The following HS2ST1 variants were observed in gnomAD, a reference collection of about 807,000 sequenced individuals.
HS2ST1 encodes the protein 2-O-sulfotransferase.
In HS2ST1, 18 loss-of-function variants were observed where a neutral mutation model predicts 42.9. That is an observed-to-expected ratio of 0.42 (90% confidence interval 0.29 to 0.62). The LOEUF (loss-of-function observed/expected upper bound fraction) is 0.62, where lower values mean the gene tolerates loss of function less well. Ranked by LOEUF, HS2ST1 falls within the 20% of genes least tolerant of loss-of-function variation. HS2ST1 has a pLI of 0.21. For missense variants in HS2ST1, 334 were observed against 433.8 expected, an observed-to-expected ratio of 0.77 and a Z score of 2.04; for synonymous variants, 146 against 152.9, an observed-to-expected ratio of 0.95 and a Z score of 0.33.
At chr1:86,992,195 A>C (rs1275662156) in intron 1 of HS2ST1, among the ~76,000 whole-genome samples, 14 of 142,418 alleles carry the variant, frequency 9.8e-5, no homozygotes, top group Non-Finnish European at 2.0e-4. Context: ...CCCACCCCCA[A>C]ATTCCCCCAC....
chr1:87,045,565 G>C, intron 1 of HS2ST1: 1 of 794,376 alleles, frequency 1.3e-6, no homozygotes, highest in East Asian at 2.4e-5. Flanking sequence ...CAAGGCACAA[G>C]AAACTTCTTT....
chr1:87,104,334 C>G lies in HS2ST1; in HGVS notation c.845-136C>G, dbSNP rs1175430667. 44 of 635,558 alleles carry G rather than the reference C, an allele frequency of 6.9e-5. No individual in the cohort carries two copies. In the South Asian group the frequency reaches 8.9e-4, roughly 13 times the overall value. The allele number at this position is 635,558 out of a possible 1,614,324, so 39.4% of individuals were successfully genotyped here. A position where few individuals can be genotyped will look rare whatever the true frequency, so the allele number is the denominator to read the frequency against. On this transcript the variant is annotated intron_variant, in intron 6 of 6. Transcript: ENST00000370550. The stretch of plus-strand genomic sequence containing the variant: ...AGTTTGATCAAGGCTCCGTTTTTAC[C>G]TGAATTATATAAGACAATTATGTTA...
In HS2ST1 at chr1:87,012,899, T is replaced by C. The variant is rs547394537; in HGVS notation, c.125-60035T>C. 2.0e-5 allele frequency among the ~76,000 whole-genome samples: 3 copies of C among 152,268 alleles called. No homozygotes were observed. The East Asian group carries it at 5.8e-4, about 29-fold the overall frequency. ...CAGTGGGGCAGTCAAATCTTAAAGC[T>C]CCAAAATGATCTTTTTTGACTCCCT... On this transcript the variant is annotated intron_variant, in intron 1 of 6. Transcript: ENST00000370550.
At chr1:87,053,197 G>A (rs1483361531) in intron 1 of HS2ST1, among the ~76,000 whole-genome samples, 1 of 152,162 alleles carries the variant, frequency 6.6e-6, no homozygotes, top group African/African-American at 2.4e-5. Flanking sequence ...TTACTTACTA[G>A]TGAGTGGAGC....
rs1660651232 is a variant in HS2ST1 at position 86,936,245 on chromosome 1, C to G, written c.124+21085C>G. Among the ~76,000 whole-genome samples the G allele has an allele frequency of 2.0e-5, 3 of 151,874 alleles. No individual in the cohort carries two copies. In the South Asian group the frequency reaches 6.2e-4, roughly 32 times the overall value. Reference sequence around the variant, plus strand: ...AAATTATTTTTAAATTTTTTCTCTTCTTTTCAAAGGTACTGATCATTGAAT... The same window carrying G: ...AAATTATTTTTAAATTTTTTCTCTTGTTTTCAAAGGTACTGATCATTGAAT... On this transcript the variant is annotated intron_variant, in intron 1 of 6. Coordinates refer to ENST00000370550, the MANE Select transcript of HS2ST1 (RefSeq NM_012262.4).
chr1:87,029,380 CTT>C (rs1650170408), intron 1 of HS2ST1, among the ~76,000 whole-genome samples: 1 of 152,016 alleles, frequency 6.6e-6, no homozygotes, highest in Admixed American at 6.6e-5. Context: ...GATTTTAAGT[CTT>C]TATATCTTTT....
At chr1:86,948,249 A>G (rs555102066) in intron 1 of HS2ST1, among the ~76,000 whole-genome samples, 38 of 152,320 alleles carry the variant, frequency 2.5e-4, no homozygotes, top group African/African-American at 8.7e-4. Context: ...AGGAGACTGC[A>G]TATGAGTTTG....
intron 1 of HS2ST1, chr1:87,046,155 C>G: frequency 1.3e-6 from 1 of 743,252 alleles, no homozygotes; most frequent in East Asian, 3.2e-5. Flanking sequence ...TGCCCAAAAC[C>G]GTGTTAATAG....
At chr1:87,056,622 A>G (rs2100618722) in intron 1 of HS2ST1, among the ~76,000 whole-genome samples, 1 of 152,318 alleles carries the variant, frequency 6.6e-6, no homozygotes, top group African/African-American at 2.4e-5. Context: ...AAAAACTTGT[A>G]TCTGCCGCTA....
intron 1 of HS2ST1, among the ~76,000 whole-genome samples, chr1:86,993,556 C>A (rs922486761): frequency 6.6e-6 from 1 of 152,018 alleles, no homozygotes; most frequent in African/African-American, 2.4e-5. Context: ...AGATAGTGTC[C>A]TTGTATCATT....
chr1:87,004,765 A>G (rs1570478084), intron 1 of HS2ST1, among the ~76,000 whole-genome samples: 1 of 152,220 alleles, frequency 6.6e-6, no homozygotes, highest in African/African-American at 2.4e-5. Flanking sequence ...TAGAGCTTCA[A>G]GTTTTTTGAA....
intron 1 of HS2ST1, among the ~76,000 whole-genome samples, chr1:86,949,919 A>G (rs898093641): frequency 6.6e-6 from 1 of 152,200 alleles, no homozygotes; most frequent in African/African-American, 2.4e-5. Context: ...TAACCTCCCC[A>G]TGGCCTTCAG....
At chr1:87,061,341 C>G (rs1651116805) in intron 1 of HS2ST1, among the ~76,000 whole-genome samples, 1 of 152,084 alleles carries the variant, frequency 6.6e-6, no homozygotes. Flanking sequence ...CCATCTCTAT[C>G]TAGTTCCAAA....
intron 1 of HS2ST1, among the ~76,000 whole-genome samples, chr1:86,935,626 CT>C (rs1231542533): frequency 1.3e-5 from 2 of 151,746 alleles, no homozygotes; most frequent in Non-Finnish European, 2.9e-5. Context: ...CCACTCCCAG[CT>C]TATTTTTTAT....
At chr1:86,925,886 A>G (rs1660406747) in intron 1 of HS2ST1, among the ~76,000 whole-genome samples, 1 of 152,102 alleles carries the variant, frequency 6.6e-6, no homozygotes, top group African/African-American at 2.4e-5. Context: ...TTTTCTCTAC[A>G]TTATGGGCCA....
chr1:87,064,084 T>C (rs1651187202), intron 1 of HS2ST1, among the ~76,000 whole-genome samples: 1 of 152,174 alleles, frequency 6.6e-6, no homozygotes, highest in South Asian at 2.1e-4. Flanking sequence ...ACTTGTCCTG[T>C]ACAGTTGGTG....
At chr1:86,953,282 C>T (rs919619507) in intron 1 of HS2ST1, among the ~76,000 whole-genome samples, 1 of 152,218 alleles carries the variant, frequency 6.6e-6, no homozygotes, top group Non-Finnish European at 1.5e-5. Flanking sequence ...TTTGATCTAT[C>T]AAGGTCACTT....
chr1:86,986,655 A>T (rs1384898501), intron 1 of HS2ST1, among the ~76,000 whole-genome samples: 2 of 152,196 alleles, frequency 1.3e-5, no homozygotes, highest in Non-Finnish European at 2.9e-5. Flanking sequence ...GAAAGACTTT[A>T]TTAGCCATTG....
chr1:87,022,104 C>G (rs1252847115), intron 1 of HS2ST1, among the ~76,000 whole-genome samples: 3 of 151,982 alleles, frequency 2.0e-5, no homozygotes, highest in Non-Finnish European at 2.9e-5. Context: ...GTCAGCAGGT[C>G]TGTGTTGACA....
Sources: allele counts gnomAD v4.1 joint callset (sites outside exome capture counted in the v4.1 genomes callset), GRCh38; gene constraint gnomAD v4.1.1; transcripts MANE v1.5; gene names NCBI Gene and HGNC (gene_info 2026-07-23, HGNC 2026-07-21).